EDARADD: variants seen among roughly 807,000 people sequenced by gnomAD.
EDARADD encodes ectodysplasin-A receptor-associated adapter protein.
In EDARADD, 20 loss-of-function variants were observed where a neutral mutation model predicts 25.6. The ratio of observed to expected loss-of-function variants is 0.78; its 90% CI spans 0.55 to 1.14. The LOEUF (loss-of-function observed/expected upper bound fraction) is 1.14. Ranked by LOEUF, EDARADD falls within the 50% of genes most tolerant of loss-of-function variation. EDARADD has a pLI of 0.00. For synonymous variants in EDARADD, 86 were observed against 94.4 expected, an observed-to-expected ratio of 0.91 and a Z score of 0.52; for missense variants, 225 against 270.1, an observed-to-expected ratio of 0.83 and a Z score of 1.17.
chr1:236,363,006 A>ATATATATATATATATATATAT (rs1553262239), intron 3 of EDARADD, among the ~76,000 whole-genome samples: 14 of 42,928 alleles, frequency 3.3e-4, no homozygotes, highest in Non-Finnish European at 4.2e-4. Context: ...AAAAAAAAAA[A>ATATATATATATATATATATAT]ATATATATAT....
At chr1:236,396,094 T>C (rs573000716) in intron 1 of EDARADD, among the ~76,000 whole-genome samples, 1 of 152,306 alleles carries the variant, frequency 6.6e-6, no homozygotes, top group East Asian at 1.9e-4. Context: ...CTCTCTCCCA[T>C]TGCACTTTGA....
chr1:236,398,711 G>A lies in EDARADD; in HGVS notation c.61+4206G>A, dbSNP rs1413051721. 3.9e-5 allele frequency among the ~76,000 whole-genome samples: 6 copies of A among 152,076 alleles called. No homozygotes were observed. Among genetic ancestry groups the A allele is most frequent in the African/African-American group, 7.2e-5 (3 of 41,432 alleles). On this transcript the variant is annotated intron_variant, in intron 1 of 5. Coordinates refer to ENST00000334232, the MANE Select transcript of EDARADD (RefSeq NM_145861.4). The surrounding 1 kb of genome is among the most constrained non-coding windows in gnomAD (Gnocchi z 4.1). ...CCCTCACCCCATCCTCCACCCACCCGTTTCCTTCTACTTAACCTCCAGATT... is the reference window on the plus strand; with the variant it reads ...CCCTCACCCCATCCTCCACCCACCCATTTCCTTCTACTTAACCTCCAGATT...
At chr1:236,456,909 G>A (rs1472205058) in intron 4 of EDARADD, among the ~76,000 whole-genome samples, 1 of 151,970 alleles carries the variant, frequency 6.6e-6, no homozygotes, top group East Asian at 1.9e-4. Context: ...GATTTTCAAT[G>A]GGACCTGCCT....
chr1:236,438,166 A>T (rs1658310102), intron 4 of EDARADD, among the ~76,000 whole-genome samples: 1 of 152,172 alleles, frequency 6.6e-6, no homozygotes, highest in Non-Finnish European at 1.5e-5. Context: ...GAAGCCAGTC[A>T]TATTGAGTTA....
At chr1:236,359,187 C>G (rs1318384075) in intron 3 of EDARADD, among the ~76,000 whole-genome samples, 1 of 152,176 alleles carries the variant, frequency 6.6e-6, no homozygotes, top group Non-Finnish European at 1.5e-5. Context: ...CCCTCACTCT[C>G]TAGATATTTA....
intron 3 of EDARADD, among the ~76,000 whole-genome samples, chr1:236,365,752 C>T (rs604794): frequency 0.34 from 52,161 of 151,904 alleles, 9,189 homozygotes; most frequent in African/African-American, 0.42. Context: ...TATCTATATG[C>T]TAAGTAGCTC....
chr1:236,456,723 TC>T (rs58539428), intron 4 of EDARADD, among the ~76,000 whole-genome samples: 50,501 of 110,528 alleles, frequency 0.46, 10,692 homozygotes, highest in Non-Finnish European at 0.51. Context: ...CCCTCCCCCC[TC>T]CCCCTCACTC....
At chr1:236,405,777 C>CTTTTTT (rs1553265505) in intron 1 of EDARADD, among the ~76,000 whole-genome samples, 1 of 68,186 alleles carries the variant, frequency 1.5e-5, no homozygotes, top group East Asian at 3.0e-4. Context: ...TTCTTTCTTT[C>CTTTTTT]TTTCTTTCTT....
chr1:236,418,630 C>G (rs1405844251), intron 3 of EDARADD, among the ~76,000 whole-genome samples: 1 of 152,168 alleles, frequency 6.6e-6, no homozygotes, highest in Non-Finnish European at 1.5e-5. Flanking sequence ...CCTTTTAGAA[C>G]AACGTGTTAA....
chr1:236,358,013 T>C (rs1667001549), intron 3 of EDARADD, among the ~76,000 whole-genome samples: 2 of 151,986 alleles, frequency 1.3e-5, no homozygotes, highest in Non-Finnish European at 2.9e-5. Context: ...ACAGGGATTA[T>C]AGGTGCTGCC....
At chr1:236,418,001 T>C (rs1657684020) in intron 3 of EDARADD, among the ~76,000 whole-genome samples, 1 of 150,444 alleles carries the variant, frequency 6.6e-6, no homozygotes. Context: ...TCGCCCAGGC[T>C]GGAGTGCAGT....
At chr1:236,371,864 GC>G (rs1471284608) in intron 3 of EDARADD, among the ~76,000 whole-genome samples, 38 of 151,896 alleles carry the variant, frequency 2.5e-4, no homozygotes, top group Admixed American at 2.5e-3. Flanking sequence ...GAGCCACCGG[GC>G]CCAGTCGTAG....
chr1:236,411,331 A>T (rs1657473766), intron 2 of EDARADD, among the ~76,000 whole-genome samples: 1 of 152,082 alleles, frequency 6.6e-6, no homozygotes, highest in African/African-American at 2.4e-5. Context: ...CCTCAGGGCC[A>T]TTCTCCCTCT....
intron 1 of EDARADD, among the ~76,000 whole-genome samples, chr1:236,397,112 G>A (rs896118548): frequency 6.6e-6 from 1 of 152,096 alleles, no homozygotes. Context: ...TGACCACAGT[G>A]TGTAAAAAGC....
chr1:236,371,141 T>C (rs942720985), intron 3 of EDARADD, among the ~76,000 whole-genome samples: 1 of 152,216 alleles, frequency 6.6e-6, no homozygotes, highest in African/African-American at 2.4e-5. Flanking sequence ...CTTGTACATA[T>C]TTTGTTAGAT....
At chr1:236,464,423 CTTTTTTTTTTTT>C (rs35064410) in intron 4 of EDARADD, among the ~76,000 whole-genome samples, 4 of 72,980 alleles carry the variant, frequency 5.5e-5, no homozygotes, top group South Asian at 5.7e-4. Flanking sequence ...CTTGCTGCAA[CTTTTTTTTTTTT>C]TTTTTTTTTT....
chr1:236,437,860 C>T (rs1172823019), intron 4 of EDARADD, among the ~76,000 whole-genome samples: 4 of 151,482 alleles, frequency 2.6e-5, no homozygotes, highest in Non-Finnish European at 4.4e-5. Context: ...GCGATTCTCC[C>T]GCCTCAGCCT....
intron 3 of EDARADD, among the ~76,000 whole-genome samples, chr1:236,363,029 A>ATATATATATATATATATATATATG (rs1667073895): frequency 8.2e-6 from 1 of 121,300 alleles, no homozygotes; most frequent in African/African-American, 3.2e-5. Context: ...ATATATATAT[A>ATATATATATATATATATATATATG]TATAAAATTT....
chr1:236,473,888 C>T (rs958585780), intron 5 of EDARADD, among the ~76,000 whole-genome samples: 5 of 152,122 alleles, frequency 3.3e-5, no homozygotes, highest in African/African-American at 1.2e-4. Flanking sequence ...TCCCCTTCAG[C>T]CTCCTGAGTA....
Sources: allele counts gnomAD v4.1 joint callset (sites outside exome capture counted in the v4.1 genomes callset), GRCh38; gene constraint gnomAD v4.1.1; non-coding constraint Gnocchi (gnomAD v3.1); transcripts MANE v1.5; gene names NCBI Gene and HGNC (gene_info 2026-07-23, HGNC 2026-07-21).